DOK6: variants seen among roughly 807,000 people sequenced by gnomAD.
The protein encoded by DOK6 is downstream of tyrosine kinase 6.
Under a neutral mutation model 44.0 loss-of-function variants are expected in DOK6, and 22 were observed. That is an observed-to-expected ratio of 0.50 (90% CI 0.36 to 0.71). The LOEUF (loss-of-function observed/expected upper bound fraction) is 0.71, where lower values mean the gene tolerates loss of function less well. Among genes scored for constraint, DOK6 ranks in the 30% least tolerant of loss-of-function variants. The probability of loss-of-function intolerance (pLI) is 0.00; values close to 1 mark genes in which losing one functional copy is unlikely to be tolerated. For synonymous variants in DOK6, 166 were observed against 145.5 expected (o/e 1.14, Z -1.01); for missense variants, 340 against 416.4 (o/e 0.82, Z 1.60).
At chr18:69,686,068 G>T (rs1833649678) in intron 4 of DOK6, among the ~76,000 whole-genome samples, 1 of 152,038 alleles carries the variant, frequency 6.6e-6, no homozygotes, top group Non-Finnish European at 1.5e-5. Flanking sequence ...AATATGACTG[G>T]TGTCCTTGTA....
At chr18:69,413,658 G>A (rs1411331864) in intron 1 of DOK6, among the ~76,000 whole-genome samples, 1 of 151,794 alleles carries the variant, frequency 6.6e-6, no homozygotes, top group Non-Finnish European at 1.5e-5. Context: ...AAAATTTTTG[G>A]AAAAACATTA....
intron 1 of DOK6, among the ~76,000 whole-genome samples, chr18:69,454,969 T>G (rs1979583529): frequency 3.0e-5 from 4 of 133,962 alleles, no homozygotes; most frequent in African/African-American, 8.4e-5. Flanking sequence ...AGATGACGAG[T>G]TAGTGGGTGC....
At chr18:69,605,076 T>TTGTGTGTGTGTGTGTGTG (rs71176987) in intron 3 of DOK6, among the ~76,000 whole-genome samples, 27 of 125,856 alleles carry the variant, frequency 2.1e-4, no homozygotes, top group East Asian at 6.8e-4. Context: ...AGAGATCCCT[T>TTGTGTGTGTGTGTGTGTG]TGTGTGTGTG....
At chr18:69,549,316 A>G (rs1982499190) in intron 1 of DOK6, among the ~76,000 whole-genome samples, 1 of 151,468 alleles carries the variant, frequency 6.6e-6, no homozygotes, top group Non-Finnish European at 1.5e-5. Flanking sequence ...GAGCTGCCAT[A>G]TTTAAAGGAA....
intron 1 of DOK6, among the ~76,000 whole-genome samples, chr18:69,430,181 T>G (rs1031267887): frequency 6.6e-6 from 1 of 152,142 alleles, no homozygotes; most frequent in Non-Finnish European, 1.5e-5. Flanking sequence ...GAAAAAGCCA[T>G]CATTTCCAAA....
At chr18:69,690,569 C>A (rs567861848) in intron 4 of DOK6, among the ~76,000 whole-genome samples, 1 of 152,168 alleles carries the variant, frequency 6.6e-6, no homozygotes, top group South Asian at 2.1e-4. Flanking sequence ...TTATAAAGAA[C>A]AGAATGATCT....
At chr18:69,777,883 A>G (rs1980127374) in intron 7 of DOK6, 1 of 152,204 alleles carries the variant, frequency 6.6e-6, no homozygotes. Context: ...TTATCTGTAC[A>G]TCCAGGAAAT....
chr18:69,804,378 T>C (rs1044889360), intron 7 of DOK6, among the ~76,000 whole-genome samples: 1 of 152,194 alleles, frequency 6.6e-6, no homozygotes, highest in Non-Finnish European at 1.5e-5. Context: ...TTCAATTATA[T>C]TGACAAATGG....
intron 3 of DOK6, among the ~76,000 whole-genome samples, chr18:69,628,179 G>T (rs1271417073): frequency 6.6e-6 from 1 of 152,044 alleles, no homozygotes; most frequent in Non-Finnish European, 1.5e-5. Flanking sequence ...TTGAAGAAAG[G>T]GTTGCTGTGT....
At chr18:69,466,587 C>A (rs1283728260) in intron 1 of DOK6, among the ~76,000 whole-genome samples, 1 of 151,892 alleles carries the variant, frequency 6.6e-6, no homozygotes, top group Non-Finnish European at 1.5e-5. Context: ...GAGGAACATT[C>A]AAACTGTTAA....
At chr18:69,675,399 CACATTAGATATTT>C (rs1985898357) in intron 3 of DOK6, among the ~76,000 whole-genome samples, 1 of 152,152 alleles carries the variant, frequency 6.6e-6, no homozygotes, top group Non-Finnish European at 1.5e-5. Context: ...TCCCAAATAG[CACATTAGATATTT>C]TCATCCTTAT....
At chr18:69,766,186 C>T (rs1979708811) in intron 7 of DOK6, among the ~76,000 whole-genome samples, 1 of 152,186 alleles carries the variant, frequency 6.6e-6, no homozygotes, top group African/African-American at 2.4e-5. Context: ...CGCACATTCT[C>T]ACTCATAAGT....
chr18:69,653,598 G>A (rs1459272678), intron 3 of DOK6, among the ~76,000 whole-genome samples: 1 of 152,174 alleles, frequency 6.6e-6, no homozygotes, highest in Non-Finnish European at 1.5e-5. Context: ...TTTCTAGTGG[G>A]ATTCTGAAGG....
At chr18:69,448,195 A>G (rs902201974) in intron 1 of DOK6, among the ~76,000 whole-genome samples, 1 of 152,152 alleles carries the variant, frequency 6.6e-6, no homozygotes, top group Non-Finnish European at 1.5e-5. Context: ...TTCTTACTTC[A>G]TTAAACTTTC....
intron 4 of DOK6, among the ~76,000 whole-genome samples, chr18:69,688,621 C>T (rs1986201802): frequency 6.6e-6 from 1 of 152,176 alleles, no homozygotes; most frequent in South Asian, 2.1e-4. Flanking sequence ...CTCCTGGGTT[C>T]AAGTGATTCT....
At chr18:69,688,522 T>C (rs1377744006) in intron 4 of DOK6, among the ~76,000 whole-genome samples, 1 of 152,020 alleles carries the variant, frequency 6.6e-6, no homozygotes, top group Non-Finnish European at 1.5e-5. Context: ...TGTAGACAAA[T>C]AGGTTGTTGC....
intron 1 of DOK6, among the ~76,000 whole-genome samples, chr18:69,436,707 T>C (rs1978989908): frequency 6.6e-6 from 1 of 152,224 alleles, no homozygotes; most frequent in Non-Finnish European, 1.5e-5. Flanking sequence ...ATGGTATTTC[T>C]GGTTCTAGAT....
chr18:69,452,606 C>A (rs1360950887), intron 1 of DOK6, among the ~76,000 whole-genome samples: 1 of 141,018 alleles, frequency 7.1e-6, no homozygotes, highest in Non-Finnish European at 1.5e-5. Context: ...GAGACACAAC[C>A]AAAAAAGAGA....
At chr18:69,640,737 C>T (rs1340228421) in intron 3 of DOK6, among the ~76,000 whole-genome samples, 1 of 152,084 alleles carries the variant, frequency 6.6e-6, no homozygotes, top group African/African-American at 2.4e-5. Context: ...TTTCCTTTTT[C>T]CAAGACCATA....
Sources: allele counts gnomAD v4.1 joint callset (sites outside exome capture counted in the v4.1 genomes callset), GRCh38; gene constraint gnomAD v4.1.1; transcripts MANE v1.5; gene names NCBI Gene and HGNC (gene_info 2026-07-23, HGNC 2026-07-21).